The following MTUS2 variants were observed in gnomAD, a reference collection of about 807,000 sequenced individuals.
The protein encoded by MTUS2 is microtubule-associated tumor suppressor candidate 2.
Under a neutral mutation model 114.1 loss-of-function variants are expected in MTUS2, and 40 were observed. That is an observed-to-expected ratio of 0.35 (90% CI 0.27 to 0.46). The LOEUF (loss-of-function observed/expected upper bound fraction) is 0.46. Ranked by LOEUF, MTUS2 falls within the 20% of genes least tolerant of loss-of-function variation. The pLI is 1.00. For synonymous variants in MTUS2, 688 were observed against 672.0 expected, an observed-to-expected ratio of 1.02 and a Z score of -0.37; for missense variants, 1,679 against 1,705.4, an observed-to-expected ratio of 0.98 and a Z score of 0.27.
intron 5 of MTUS2, among the ~76,000 whole-genome samples, chr13:29,138,091 G>T (rs1225256026): frequency 1.3e-5 from 2 of 152,122 alleles, no homozygotes; most frequent in African/African-American, 2.4e-5. Flanking sequence ...ACATTTGGAA[G>T]ACAGAGTCCT....
intron 2 of MTUS2, among the ~76,000 whole-genome samples, chr13:28,922,001 CA>C (rs1284096852): frequency 6.6e-6 from 1 of 152,184 alleles, no homozygotes; most frequent in African/African-American, 2.4e-5. Flanking sequence ...TATCTCATGT[CA>C]AATTGTAATT....
chr13:28,997,476 T>C (rs987880118), intron 2 of MTUS2, among the ~76,000 whole-genome samples: 1 of 152,218 alleles, frequency 6.6e-6, no homozygotes, highest in African/African-American at 2.4e-5. Context: ...ATCTGTCTAA[T>C]GTTGACAGTG....
At chr13:29,388,385 G>C (rs930776712) in intron 8 of MTUS2, among the ~76,000 whole-genome samples, 3 of 151,268 alleles carry the variant, frequency 2.0e-5, no homozygotes, top group Non-Finnish European at 4.4e-5. Context: ...AGCAACTTGA[G>C]TGTTTTAAAC....
intron 5 of MTUS2, among the ~76,000 whole-genome samples, chr13:29,133,037 T>C (rs569795841): frequency 6.6e-6 from 1 of 152,228 alleles, no homozygotes; most frequent in East Asian, 1.9e-4. Context: ...TGTGTTTTTT[T>C]TTTTCTTAAT....
chr13:29,001,201 T>C (rs1731097898), intron 2 of MTUS2, among the ~76,000 whole-genome samples: 1 of 152,312 alleles, frequency 6.6e-6, no homozygotes, highest in Non-Finnish European at 1.5e-5. Context: ...GAAGAGCCAC[T>C]GGAGGGTCTT....
chr13:29,180,293 C>T (rs1398233975), intron 5 of MTUS2, among the ~76,000 whole-genome samples: 2 of 152,158 alleles, frequency 1.3e-5, no homozygotes, highest in Non-Finnish European at 2.9e-5. Context: ...GACCCCAATA[C>T]CTCCAAAGCG....
chr13:29,389,687 GTATA>G lies in MTUS2; in HGVS notation c.3117+30218_3117+30221del, dbSNP rs533594013. On this transcript the variant is annotated intron_variant, in intron 8 of 15. Transcript: ENST00000612955. ...TATATGTATATATACATATATGTATGTATATATGTGTATATGTGTATATGTATAT... is the reference window on the plus strand; with the variant it reads ...TATATGTATATATACATATATGTATGTATGTGTATATGTGTATATGTATAT... Among the ~76,000 whole-genome samples, 335 of 139,450 alleles carry G rather than the reference GTATA, an allele frequency of 2.4e-3. 38 individuals are homozygous for G. The highest frequency in any genetic ancestry group is 8.6e-3 in the African/African-American group (315 of 36,586). The allele number at this position is 139,450 out of a possible 152,430, so 91.5% of individuals were successfully genotyped here.
intron 8 of MTUS2, among the ~76,000 whole-genome samples, chr13:29,381,760 A>T (rs756843832): frequency 1.2e-4 from 19 of 152,190 alleles, no homozygotes; most frequent in Non-Finnish European, 2.4e-4. Flanking sequence ...GAAGCACAGA[A>T]ACTTGTCTCA....
intron 5 of MTUS2, among the ~76,000 whole-genome samples, chr13:29,255,423 A>G (rs1334288648): frequency 6.6e-6 from 1 of 152,210 alleles, no homozygotes; most frequent in Non-Finnish European, 1.5e-5. Flanking sequence ...ACAAAACTAA[A>G]GAACTCACCC....
chr13:29,500,792 A>AACACACACAC (rs3066073), intron 14 of MTUS2, among the ~76,000 whole-genome samples: 57 of 144,374 alleles, frequency 3.9e-4, no homozygotes, highest in Middle Eastern at 3.5e-3. Flanking sequence ...TTACATCAGA[A>AACACACACAC]ACACACACAC....
chr13:28,856,124 A>C (rs1876611603), intron 2 of MTUS2, among the ~76,000 whole-genome samples: 1 of 152,186 alleles, frequency 6.6e-6, no homozygotes, highest in Non-Finnish European at 1.5e-5. Context: ...TAGTTGTGAG[A>C]GAAAAGATGT....
chr13:28,938,255 G>T (rs547273155), intron 2 of MTUS2, among the ~76,000 whole-genome samples: 2 of 151,968 alleles, frequency 1.3e-5, no homozygotes. Context: ...GGTGTCGCGT[G>T]CCTGTAGTCC....
chr13:28,982,906 A>G (rs1257468852), intron 2 of MTUS2, among the ~76,000 whole-genome samples: 1 of 152,178 alleles, frequency 6.6e-6, no homozygotes, highest in African/African-American at 2.4e-5. Context: ...TTTAATAGGT[A>G]TAGAGTTTTA....
At chr13:28,933,522 A>ACT (rs1321184419) in intron 2 of MTUS2, among the ~76,000 whole-genome samples, 1 of 152,190 alleles carries the variant, frequency 6.6e-6, no homozygotes, top group African/African-American at 2.4e-5. Flanking sequence ...CAACATCTTG[A>ACT]CTGGTGTTTG....
intron 7 of MTUS2, among the ~76,000 whole-genome samples, chr13:29,347,090 A>G (rs940202329): frequency 4.6e-5 from 7 of 151,888 alleles, no homozygotes; most frequent in African/African-American, 1.7e-4. Context: ...TGTGTTCTTC[A>G]GTAGTTCTTG....
chr13:29,403,521 T>G (rs899124524), intron 8 of MTUS2, among the ~76,000 whole-genome samples: 1 of 152,146 alleles, frequency 6.6e-6, no homozygotes, highest in Non-Finnish European at 1.5e-5. Context: ...GAACATAGGA[T>G]TTGGTGGACT....
chr13:29,162,246 T>C (rs1430482187), intron 5 of MTUS2, among the ~76,000 whole-genome samples: 1 of 152,212 alleles, frequency 6.6e-6, no homozygotes, highest in Non-Finnish European at 1.5e-5. Context: ...GATTCAAATA[T>C]GGTCATATTC....
At chr13:29,160,178 C>T (rs992795856) in intron 5 of MTUS2, among the ~76,000 whole-genome samples, 1 of 152,184 alleles carries the variant, frequency 6.6e-6, no homozygotes, top group Non-Finnish European at 1.5e-5. Context: ...CAGGAACAAA[C>T]CACAGTTGAC....
chr13:29,286,988 C>G (rs1440224139), intron 6 of MTUS2, among the ~76,000 whole-genome samples: 1 of 152,176 alleles, frequency 6.6e-6, no homozygotes, highest in Non-Finnish European at 1.5e-5. Context: ...AAGCCATGCA[C>G]TCTTGATAAC....
Sources: allele counts gnomAD v4.1 joint callset (sites outside exome capture counted in the v4.1 genomes callset), GRCh38; gene constraint gnomAD v4.1.1; transcripts MANE v1.5; gene names NCBI Gene and HGNC (gene_info 2026-07-23, HGNC 2026-07-21).